Variants in ANKRD30BL observed in about 807,000 individuals in gnomAD.
ANKRD30BL encodes putative ankyrin repeat domain-containing protein 30B-like.
In ANKRD30BL, 20 loss-of-function variants were observed where a neutral mutation model predicts 18.4. That is an observed-to-expected ratio of 1.09 (90% CI 0.77 to 1.58). The LOEUF is 1.58. Among genes scored for constraint, ANKRD30BL ranks in the 40% most tolerant of loss-of-function variants. The pLI, the probability that ANKRD30BL is intolerant of heterozygous loss-of-function variation, is 0.00. For synonymous variants in ANKRD30BL, 72 were observed against 100.9 expected (o/e 0.71, Z 1.72); for missense variants, 224 against 268.6 (o/e 0.83, Z 1.16).
At chr2:132,166,217 T>C (rs1184692755), upstream of ANKRD30BL, among the ~76,000 whole-genome samples, 2 of 152,208 alleles carry the variant, frequency 1.3e-5, no homozygotes, top group Non-Finnish European at 2.9e-5. Flanking sequence ...GAAGGATTAT[T>C]GAATCTTTGT....
At chr2:132,211,392 A>G (rs1679345048) in intron 1 of ANKRD30BL, among the ~76,000 whole-genome samples, 1 of 151,814 alleles carries the variant, frequency 6.6e-6, no homozygotes, top group African/African-American at 2.4e-5. Flanking sequence ...AAAAGGAAAT[A>G]TTTTCACGTA....
chr2:132,215,817 A>C (rs1447702994), intron 1 of ANKRD30BL, among the ~76,000 whole-genome samples: 2 of 152,162 alleles, frequency 1.3e-5, no homozygotes, highest in Non-Finnish European at 2.9e-5. Context: ...TAACATCTGC[A>C]AGTGGACATT....
At chr2:132,238,365 A>G (rs1051627780) in intron 1 of ANKRD30BL, among the ~76,000 whole-genome samples, 3 of 151,660 alleles carry the variant, frequency 2.0e-5, no homozygotes, top group Admixed American at 1.3e-4. Context: ...CAACTCACAG[A>G]GTTGAAATTT....
At chr2:132,159,541 T>G (rs149492917) in intron 1 of ANKRD30BL, among the ~76,000 whole-genome samples, 3 of 152,166 alleles carry the variant, frequency 2.0e-5, no homozygotes, top group African/African-American at 7.2e-5. Flanking sequence ...AATTTTAAAT[T>G]AGAAGCAAAG....
intron 1 of ANKRD30BL, among the ~76,000 whole-genome samples, chr2:132,232,025 C>T (rs1212691715): frequency 2.6e-5 from 4 of 152,224 alleles, no homozygotes; most frequent in African/African-American, 9.6e-5. Context: ...GGGTCCCTGA[C>T]CCCTGACCCC....
intron 1 of ANKRD30BL, among the ~76,000 whole-genome samples, chr2:132,186,985 T>C (rs1269080871): frequency 6.6e-6 from 1 of 152,088 alleles, no homozygotes; most frequent in African/African-American, 2.4e-5. Flanking sequence ...CATCCCATAC[T>C]CTTTTCAGCT....
At chr2:132,226,033 C>A (rs1679835174) in intron 1 of ANKRD30BL, among the ~76,000 whole-genome samples, 2 of 151,482 alleles carry the variant, frequency 1.3e-5, no homozygotes, top group Non-Finnish European at 2.9e-5. Flanking sequence ...TAGACAGAAG[C>A]ATTTTCAAAA....
chr2:132,238,192 C>A (rs1680213622), intron 1 of ANKRD30BL, among the ~76,000 whole-genome samples: 2 of 151,952 alleles, frequency 1.3e-5, no homozygotes, highest in Admixed American at 6.6e-5. Flanking sequence ...GTACTCAACT[C>A]ACAGAGTTAA....
In ANKRD30BL at chr2:132,192,867, G is replaced by A. The variant is rs1678889007; in HGVS notation, n.442-35721C>T. On this transcript the variant is annotated intron_variant and non_coding_transcript_variant, in intron 1 of 4. Coordinates refer to the ANKRD30BL transcript ENST00000470729. ...AGCAGCACTGGGAACAGTGGCCCTGGCCATCTACTTTACATAGAAGAAACA... is the reference window on the plus strand; with the variant it reads ...AGCAGCACTGGGAACAGTGGCCCTGACCATCTACTTTACATAGAAGAAACA... Among the ~76,000 whole-genome samples the A allele has an allele frequency of 2.0e-5, 3 of 152,212 alleles. No individual in the cohort carries two copies. In the South Asian group the frequency reaches 6.2e-4, roughly 32 times the overall value.
In ANKRD30BL at chr2:132,161,447, C is replaced by T. The variant is rs1363711642; in HGVS notation, c.218+41G>A. ...TGAAGGGGCGATCCTCCCACAGCCTCCTCCTCCTCCTGCAGCCCCGGCTCA... is the reference window on the plus strand; with the variant it reads ...TGAAGGGGCGATCCTCCCACAGCCTTCTCCTCCTCCTGCAGCCCCGGCTCA... On this transcript the variant is annotated intron_variant, in intron 1 of 5. Transcript: ENST00000409867. The T allele has an allele frequency of 2.1e-6, 3 of 1,422,068 alleles. 1 individual carries two copies. The highest frequency in any genetic ancestry group is 4.0e-5 in the Admixed American group (2 of 50,592). 88.1% of individuals were successfully genotyped at this position (1,422,068 alleles called of 1,614,324 possible).
chr2:132,255,926 C>T (rs923582868), intron 1 of ANKRD30BL, among the ~76,000 whole-genome samples: 1 of 150,188 alleles, frequency 6.7e-6, no homozygotes, highest in Non-Finnish European at 1.5e-5. Context: ...CGGCACCCGA[C>T]CCCCCGGCCG....
intron 1 of ANKRD30BL, among the ~76,000 whole-genome samples, chr2:132,242,918 T>C (rs796236277): frequency 6.6e-6 from 1 of 151,834 alleles, no homozygotes; most frequent in African/African-American, 2.4e-5. Flanking sequence ...TCTCAGAAAC[T>C]ACTTTGTGAT....
Position 132,221,451 on chromosome 2 carries a change from C to T in ANKRD30BL, n.441+36078G>A, listed in dbSNP as rs538113814. Among the ~76,000 whole-genome samples, 237 of 126,462 alleles carry T rather than the reference C, an allele frequency of 1.9e-3. 1 individual carries two copies. Among genetic ancestry groups the T allele is most frequent in the African/African-American group, 8.1e-3 (217 of 26,842 alleles). The allele number at this position is 126,462 out of a possible 152,430, so 83.0% of individuals were successfully genotyped here. A position where few individuals can be genotyped will look rare whatever the true frequency, so the allele number is the denominator to read the frequency against. ...CAGCCCCCCGCCTGGCCAGCCACCC[C>T]GTCCGGGAGGTGAGGGGCGCCTCTG... On this transcript the variant is annotated intron_variant and non_coding_transcript_variant, in intron 1 of 4. Transcript: ENST00000470729.
intron 1 of ANKRD30BL, among the ~76,000 whole-genome samples, chr2:132,181,419 G>T (rs1383323539): frequency 6.6e-6 from 1 of 151,662 alleles, no homozygotes; most frequent in East Asian, 2.0e-4. Context: ...GTCGTAGTGA[G>T]TCGAGATCAT....
At chr2:132,257,529 C>A (rs1573906178) in exon 1 of ANKRD30BL, 2 of 244,866 alleles carry the variant, frequency 8.2e-6, no homozygotes, top group South Asian at 8.4e-5. Flanking sequence ...CCCCACTCAC[C>A]TCATCAAGGG....
chr2:132,226,167 G>T (rs1226954212), intron 1 of ANKRD30BL, among the ~76,000 whole-genome samples: 2 of 151,858 alleles, frequency 1.3e-5, no homozygotes, highest in Non-Finnish European at 2.9e-5. Flanking sequence ...GCCTTCGTTG[G>T]AAACGGGAAT....
intron 1 of ANKRD30BL, among the ~76,000 whole-genome samples, chr2:132,248,460 A>C (rs1188489157): frequency 2.0e-5 from 3 of 152,108 alleles, no homozygotes; most frequent in Non-Finnish European, 4.4e-5. Flanking sequence ...TTTTCACCAT[A>C]CCTATCAAAG....
chr2:132,256,672 C>T lies in ANKRD30BL; in HGVS notation n.441+857G>A, dbSNP rs565764515. ...AGCCCCCTGAACCCTCTTCCCTGCA[C>T]ACACTGCTGGCCGACCCCAAACCCT... On this transcript the variant is annotated intron_variant and non_coding_transcript_variant, in intron 1 of 4. Coordinates refer to the ANKRD30BL transcript ENST00000470729. Among the ~76,000 whole-genome samples, 49 of 152,356 alleles carry T rather than the reference C, an allele frequency of 3.2e-4. No individual in the cohort carries two copies. In the East Asian group the frequency reaches 8.9e-3, roughly 28 times the overall value.
intron 1 of ANKRD30BL, among the ~76,000 whole-genome samples, chr2:132,238,998 T>C (rs548792606): frequency 6.6e-6 from 1 of 152,284 alleles, no homozygotes; most frequent in East Asian, 1.9e-4. Flanking sequence ...AGAAACTTCT[T>C]TGTGAGACTT....
Sources: allele counts gnomAD v4.1 joint callset (sites outside exome capture counted in the v4.1 genomes callset), GRCh38; gene constraint gnomAD v4.1.1; transcripts MANE v1.5; gene names NCBI Gene and HGNC (gene_info 2026-07-23, HGNC 2026-07-21).